Variants in ZC3H11A observed in about 807,000 individuals in gnomAD.
The protein encoded by ZC3H11A is zinc finger CCCH-type containing 11A.
In ZC3H11A, 22 loss-of-function variants were observed where a neutral mutation model predicts 90.8. The observed-to-expected ratio is 0.24, with a 90% CI of 0.17 to 0.35. ZC3H11A has a LOEUF of 0.35. ZC3H11A is among the 10% of genes least tolerant of loss of function. ZC3H11A has a pLI of 1.00. For missense variants in ZC3H11A, 701 were observed against 964.9 expected (o/e 0.73, Z 3.62); for synonymous variants, 294 against 339.8 (o/e 0.87, Z 1.48).
intron 9 of ZC3H11A, 91 bp from the exon 10 acceptor site, chr1:203,833,700 C>T (rs999956395): frequency 2.3e-6 from 2 of 886,994 alleles, no homozygotes; most frequent in Non-Finnish European, 3.0e-6. Context: ...TGGATTTACA[C>T]TAATATCAGA....
At chr1:203,807,760 G>A (rs1328808195) in intron 2 of ZC3H11A, among the ~76,000 whole-genome samples, 1 of 151,900 alleles carries the variant, frequency 6.6e-6, no homozygotes, top group East Asian at 1.9e-4. Flanking sequence ...TTTATTTTTT[G>A]AGAGAGGGTC....
Position 203,817,046 on chromosome 1 carries a change from C to G in ZC3H11A, c.-25C>G. 1.3e-6 allele frequency: 2 copies of G among 1,593,854 alleles called. No individual in the cohort carries two copies. Among genetic ancestry groups the G allele is most frequent in the African/African-American group, 1.3e-5 (1 of 74,088 alleles). ...AGCAGTGGCTTGTTTCAAGAAGCCA[C>G]TTCTGATCTAAGAATCTACCCAGCA... is the stretch of plus-strand genomic sequence containing the variant. On this transcript the variant is annotated 5_prime_UTR_variant, in exon 3 of 18. Transcript: ENST00000367210.
intron 2 of ZC3H11A, among the ~76,000 whole-genome samples, chr1:203,809,707 A>G (rs1056970769): frequency 6.6e-6 from 1 of 152,142 alleles, no homozygotes; most frequent in African/African-American, 2.4e-5. Context: ...TAATCCTAGC[A>G]CTTTGTGAGG....
At chr1:203,839,130 G>A (rs997651637) in intron 11 of ZC3H11A, among the ~76,000 whole-genome samples, 1 of 152,156 alleles carries the variant, frequency 6.6e-6, no homozygotes, top group African/African-American at 2.4e-5. Flanking sequence ...ATAAGACGAG[G>A]TAGTGGCATA....
intron 4 of ZC3H11A, among the ~76,000 whole-genome samples, chr1:203,823,217 ATAGAG>A (rs1252448430): frequency 8.5e-5 from 13 of 152,314 alleles, no homozygotes; most frequent in African/African-American, 2.9e-4. Context: ...TATTGCAGCA[ATAGAG>A]TAAAGACACT....
At position 203,852,520 on chromosome 1, in the gene ZC3H11A, T is replaced by A. The variant is rs1689535446; in HGVS notation, c.*121T>A. ...TCTAGAATTTGCCCCAAATCAGAAGTATACCTCTGAATTATCTGTATGTGT... is the reference window on the plus strand; with the variant it reads ...TCTAGAATTTGCCCCAAATCAGAAGAATACCTCTGAATTATCTGTATGTGT... On this transcript the variant is annotated 3_prime_UTR_variant, in exon 18 of 18. Transcript: ENST00000367210. 2 of 1,098,388 alleles carry A rather than the reference T, an allele frequency of 1.8e-6. No homozygotes were observed. Among genetic ancestry groups the A allele is most frequent in the Non-Finnish European group, 1.3e-6 (1 of 777,678 alleles). 68.0% of individuals were successfully genotyped at this position (1,098,388 alleles called of 1,614,324 possible). A position where few individuals can be genotyped will look rare whatever the true frequency, so the allele number is the denominator to read the frequency against.
intron 11 of ZC3H11A, among the ~76,000 whole-genome samples, chr1:203,838,631 T>C (rs1329398750): frequency 5.9e-5 from 9 of 152,142 alleles, no homozygotes; most frequent in Non-Finnish European, 8.8e-5. Context: ...TTTGGACTTA[T>C]TCTAAGATAG....
In ZC3H11A at chr1:203,831,745, G is replaced by A; in HGVS notation, c.785G>A (p.Arg262Lys). The change falls in exon 9 of 18, where the codon AGG becomes AAG. Residue 262 changes from arginine (R) to lysine (K), a missense_variant. Around this residue, in one of 4 missense-constraint regions of ZC3H11A, gnomAD observed 530 missense variants for 696.2 expected, o/e 0.76. Transcript: ENST00000367210. ...PEKENVRTVV[R>K]TVTLSTKQGE... The stretch of plus-strand genomic sequence containing the variant: ...AAAGAAAATGTCAGGACTGTGGTGA[G>A]GACAGTAACTCTCTCCACCAAACAA... 6.2e-7 allele frequency: 1 copy of A among 1,612,602 alleles called. No homozygotes were observed. Among genetic ancestry groups the A allele is most frequent in the Non-Finnish European group, 8.5e-7 (1 of 1,179,344 alleles).
chr1:203,810,041 A>G (rs186692103), intron 2 of ZC3H11A, among the ~76,000 whole-genome samples: 1 of 152,142 alleles, frequency 6.6e-6, no homozygotes, highest in Admixed American at 6.5e-5. Flanking sequence ...TAAGAAATTT[A>G]TGGATGTGCA....
chr1:203,841,409 C>T (rs554371473), intron 12 of ZC3H11A, among the ~76,000 whole-genome samples: 13 of 152,170 alleles, frequency 8.5e-5, no homozygotes, highest in Admixed American at 5.9e-4. Context: ...CATCTTGCAC[C>T]GCCCTTAATC....
intron 1 of ZC3H11A, chr1:203,798,308 T>C (rs1207196030): frequency 6.5e-7 from 1 of 1,536,166 alleles, no homozygotes; most frequent in Admixed American, 2.0e-5. Flanking sequence ...TTCCTGGAAC[T>C]AGAGCCAAGA....
chr1:203,802,008 A>C lies in ZC3H11A; in HGVS notation c.-1154A>C, dbSNP rs1670670961. Reference sequence around the variant, plus strand: ...TTTCCAGGGCCACTATTTAATGGCAAACCAGTGATACTGGTGTTGATACAA... The same window carrying C: ...TTTCCAGGGCCACTATTTAATGGCACACCAGTGATACTGGTGTTGATACAA... On this transcript the variant is annotated 5_prime_UTR_variant, in exon 2 of 18. Transcript: ENST00000367210. 2 of 152,604 alleles carry C rather than the reference A, an allele frequency of 1.3e-5. No individual in the cohort carries two copies. The highest frequency in any genetic ancestry group is 6.5e-5 in the Admixed American group (1 of 15,274). 9.5% of individuals were successfully genotyped at this position (152,604 alleles called of 1,614,324 possible). A position where few individuals can be genotyped will look rare whatever the true frequency, so the allele number is the denominator to read the frequency against.
At chr1:203,838,095 T>C in intron 11 of ZC3H11A, 31 bp downstream of exon 11, 1 of 1,595,020 alleles carries the variant, frequency 6.3e-7, no homozygotes, top group Non-Finnish European at 8.6e-7. Flanking sequence ...TTTGTGTGTG[T>C]ATGTAATTAT....
intron 11 of ZC3H11A, among the ~76,000 whole-genome samples, chr1:203,838,717 G>A (rs1011810675): frequency 5.3e-5 from 8 of 152,144 alleles, no homozygotes; most frequent in African/African-American, 1.7e-4. Flanking sequence ...TTGGGAGGCC[G>A]AGGTGGGTGG....
At chr1:203,806,576 T>G (rs1002887897) in intron 2 of ZC3H11A, among the ~76,000 whole-genome samples, 1 of 152,194 alleles carries the variant, frequency 6.6e-6, no homozygotes, top group Non-Finnish European at 1.5e-5. Context: ...GTGCTGGGAT[T>G]ATAGGCATGA....
intron 3 of ZC3H11A, among the ~76,000 whole-genome samples, 165 bp from the exon 4 acceptor site, chr1:203,818,405 T>A (rs547437853): frequency 6.6e-6 from 1 of 152,280 alleles, no homozygotes; most frequent in African/African-American, 2.4e-5. Flanking sequence ...GGAAATAATT[T>A]GTTGCTCTCG....
intron 15 of ZC3H11A, 41 bp from the exon 16 acceptor site, chr1:203,850,474 T>G: frequency 6.2e-7 from 1 of 1,609,640 alleles, no homozygotes; most frequent in South Asian, 1.1e-5. Context: ...TTTAAAAGAG[T>G]CTATTCTCAC....
At chr1:203,846,110 T>C (rs1687816207) in intron 12 of ZC3H11A, among the ~76,000 whole-genome samples, 1 of 127,506 alleles carries the variant, frequency 7.8e-6, no homozygotes, top group Admixed American at 7.9e-5. Flanking sequence ...AGACCTCGTC[T>C]TTACCAAAAA....
chr1:203,837,304 A>AAG (rs1553268083), intron 10 of ZC3H11A, among the ~76,000 whole-genome samples: 10 of 150,000 alleles, frequency 6.7e-5, no homozygotes, highest in Admixed American at 2.0e-4. Flanking sequence ...AAAAAAAAAA[A>AAG]GGGTTCTTTT....
Sources: gnomAD v4.1 joint callset for allele counts (sites outside exome capture counted in the v4.1 genomes callset) on GRCh38, gnomAD v4.1.1 for gene constraint, gnomAD v4.1.1 regional missense constraint, MANE v1.5 for transcripts, NCBI Gene and HGNC (gene_info 2026-07-23, HGNC 2026-07-21) for gene names.